Variants in NTM observed in about 807,000 individuals in gnomAD.
NTM encodes the protein neurotrimin.
NTM carries 13 observed loss-of-function variants against 42.1 expected under a neutral mutation model. That is an observed-to-expected ratio of 0.31 (90% CI 0.20 to 0.49). The LOEUF is 0.49. Ranked by LOEUF, NTM falls within the 20% of genes least tolerant of loss-of-function variation. NTM has a pLI of 0.99. For missense variants in NTM, 373 were observed against 452.8 expected, an observed-to-expected ratio of 0.82 and a Z score of 1.60; for synonymous variants, 187 against 179.2, an observed-to-expected ratio of 1.04 and a Z score of -0.35.
intron 1 of NTM, among the ~76,000 whole-genome samples, chr11:131,796,643 G>A (rs1382768065): frequency 6.6e-6 from 1 of 152,208 alleles, no homozygotes. Context: ...TCACAAGGCA[G>A]CATAGAGAGG....
rs188427638 is a variant in NTM, at chr11:131,706,837, T to A, written c.83-204727T>A. On this transcript the variant is annotated intron_variant, in intron 1 of 8. Coordinates refer to ENST00000683400, the MANE Select transcript of NTM (RefSeq NM_001352005.2). ...AACACATAGCATGCAGCAAGAGTAA[T>A]CTTTTTTATATTACTTTATTTTTAA... Among the ~76,000 whole-genome samples, 584 of 151,992 alleles carry A rather than the reference T, an allele frequency of 3.8e-3. 3 individuals carry two copies. Among genetic ancestry groups the A allele is most frequent in the Non-Finnish European group, 6.5e-3 (441 of 67,846 alleles).
chr11:131,828,391 A>G (rs2042394772), intron 1 of NTM, among the ~76,000 whole-genome samples: 1 of 151,530 alleles, frequency 6.6e-6, no homozygotes, highest in African/African-American at 2.4e-5. Context: ...CACCACCATC[A>G]CTCATCATCA....
chr11:131,589,512 A>T (rs964334880), intron 1 of NTM, among the ~76,000 whole-genome samples: 1 of 152,010 alleles, frequency 6.6e-6, no homozygotes, highest in African/African-American at 2.4e-5. Flanking sequence ...AGGCAAAACA[A>T]CCCTGTCCTC....
chr11:131,876,789 A>G (rs1022643570), intron 1 of NTM, among the ~76,000 whole-genome samples: 2 of 152,222 alleles, frequency 1.3e-5, no homozygotes, highest in Non-Finnish European at 2.9e-5. Context: ...GCAAAATGTA[A>G]TGAAATAACA....
intron 2 of NTM, among the ~76,000 whole-genome samples, chr11:131,924,414 A>T (rs554835716): frequency 6.6e-6 from 1 of 152,272 alleles, no homozygotes; most frequent in East Asian, 1.9e-4. Context: ...AGAGATTACT[A>T]GCTGCTCAAA....
intron 2 of NTM, among the ~76,000 whole-genome samples, chr11:131,913,770 C>T (rs1016104886): frequency 4.1e-4 from 62 of 152,160 alleles, no homozygotes; most frequent in African/African-American, 1.4e-3. Flanking sequence ...AGCCAAGTTC[C>T]TTCTGGAACA....
At chr11:131,775,321 A>G (rs1318139570) in intron 1 of NTM, among the ~76,000 whole-genome samples, 1 of 152,228 alleles carries the variant, frequency 6.6e-6, no homozygotes, top group East Asian at 1.9e-4. Context: ...TTAATAACTA[A>G]TAATAACTAC....
chr11:131,834,196 C>T (rs536720280), intron 1 of NTM, among the ~76,000 whole-genome samples: 34 of 152,248 alleles, frequency 2.2e-4, no homozygotes, highest in African/African-American at 7.9e-4. Context: ...GCTCAGGGCC[C>T]ACCACACTCA....
chr11:131,664,753 G>GTTTTTTTTTTTTTTT (rs199824869), intron 1 of NTM, among the ~76,000 whole-genome samples: 4 of 112,914 alleles, frequency 3.5e-5, no homozygotes, highest in African/African-American at 1.3e-4. Flanking sequence ...CTCTTCCATT[G>GTTTTTTTTTTTTTTT]TTTTTTTTTT....
chr11:131,649,051 G>A (rs539189883), intron 1 of NTM, among the ~76,000 whole-genome samples: 5 of 152,116 alleles, frequency 3.3e-5, no homozygotes, highest in Admixed American at 6.5e-5. Flanking sequence ...CCCTCTCATC[G>A]AGCACTATGA....
At chr11:131,954,993 C>G (rs2061413029) in intron 2 of NTM, among the ~76,000 whole-genome samples, 1 of 152,132 alleles carries the variant, frequency 6.6e-6, no homozygotes, top group Non-Finnish European at 1.5e-5. Flanking sequence ...AGTGGTTTTG[C>G]TGTTGTAAAT....
At chr11:131,984,983 A>G (rs2065843711) in intron 2 of NTM, among the ~76,000 whole-genome samples, 1 of 152,176 alleles carries the variant, frequency 6.6e-6, no homozygotes, top group Non-Finnish European at 1.5e-5. Flanking sequence ...TTTGCTGCTT[A>G]GAACCATTTT....
At chr11:131,929,640 T>A (rs1430892584) in intron 2 of NTM, among the ~76,000 whole-genome samples, 2 of 152,182 alleles carry the variant, frequency 1.3e-5, no homozygotes, top group African/African-American at 4.8e-5. Context: ...AGCACTTAAC[T>A]GTGATACAGG....
At chr11:131,970,938 A>T (rs935210659) in intron 2 of NTM, among the ~76,000 whole-genome samples, 3 of 152,298 alleles carry the variant, frequency 2.0e-5, no homozygotes, top group Non-Finnish European at 4.4e-5. Context: ...ATAAAATGTG[A>T]TGGTGCATTG....
chr11:131,403,555 T>C (rs1336583879), intron 1 of NTM, among the ~76,000 whole-genome samples: 1 of 152,176 alleles, frequency 6.6e-6, no homozygotes, highest in African/African-American at 2.4e-5. Context: ...AAAAACCCAA[T>C]GTGGTCTGTG....
intron 2 of NTM, among the ~76,000 whole-genome samples, chr11:131,993,579 A>G (rs1257154062): frequency 2.6e-5 from 4 of 152,214 alleles, no homozygotes; most frequent in African/African-American, 9.6e-5. Context: ...TTGTTTGCAA[A>G]TGATAGATGA....
chr11:132,283,590 T>C (rs1269747979), intron 4 of NTM, among the ~76,000 whole-genome samples: 2 of 152,116 alleles, frequency 1.3e-5, no homozygotes, highest in Non-Finnish European at 1.5e-5. Context: ...AAAATTGGCA[T>C]CTTAAAAAAA....
chr11:131,441,135 G>A (rs568427963), intron 1 of NTM, among the ~76,000 whole-genome samples: 1 of 152,256 alleles, frequency 6.6e-6, no homozygotes, highest in Admixed American at 6.5e-5. Flanking sequence ...GTCATGTCAG[G>A]AATTATTTTG....
At chr11:131,413,037 A>G (rs1308549422) in intron 1 of NTM, among the ~76,000 whole-genome samples, 1 of 152,178 alleles carries the variant, frequency 6.6e-6, no homozygotes, top group Non-Finnish European at 1.5e-5. Context: ...AAGACGAGGC[A>G]GACCTTCTGT....
Sources: gnomAD v4.1 joint callset for allele counts (sites outside exome capture counted in the v4.1 genomes callset) on GRCh38, gnomAD v4.1.1 for gene constraint, MANE v1.5 for transcripts, NCBI Gene and HGNC (gene_info 2026-07-23, HGNC 2026-07-21) for gene names.